The following CADM1 variants were observed in gnomAD, a reference collection of about 807,000 sequenced individuals.
CADM1 encodes cell adhesion molecule 1.
In CADM1, 15 loss-of-function variants were observed where a neutral mutation model predicts 53.1. The ratio of observed to expected loss-of-function variants is 0.28; its 90% CI spans 0.19 to 0.44. CADM1 has a LOEUF of 0.44. Among genes scored for constraint, CADM1 ranks in the 20% least tolerant of loss-of-function variants. The probability of loss-of-function intolerance (pLI) is 1.00; values close to 1 mark genes in which losing one functional copy is unlikely to be tolerated. For missense variants in CADM1, 434 were observed against 611.3 expected (o/e 0.71, Z 3.06); for synonymous variants, 281 against 243.0 (o/e 1.16, Z -1.45).
At chr11:115,496,000 T>C (rs1037932911) in intron 1 of CADM1, among the ~76,000 whole-genome samples, 4 of 152,218 alleles carry the variant, frequency 2.6e-5, no homozygotes, top group Non-Finnish European at 4.4e-5. Context: ...ACTTTTTGTC[T>C]GAAAGTCTTA....
At chr11:115,249,985 A>T (rs887048070) in intron 1 of CADM1, among the ~76,000 whole-genome samples, 1 of 152,116 alleles carries the variant, frequency 6.6e-6, no homozygotes, top group Non-Finnish European at 1.5e-5. Flanking sequence ...GCTCACTGCA[A>T]GCTCCGCCTC....
intron 1 of CADM1, among the ~76,000 whole-genome samples, chr11:115,358,206 T>C (rs1328306511): frequency 1.5e-5 from 2 of 132,488 alleles, no homozygotes; most frequent in African/African-American, 2.5e-5. Flanking sequence ...TGATCCTCCT[T>C]CTCTCACTCA....
intron 1 of CADM1, among the ~76,000 whole-genome samples, chr11:115,361,659 T>C (rs1946031855): frequency 6.6e-6 from 1 of 152,132 alleles, no homozygotes; most frequent in Non-Finnish European, 1.5e-5. Context: ...TGTCTAGGCA[T>C]ATGCACACCC....
chr11:115,346,905 C>T (rs940774980), intron 1 of CADM1, among the ~76,000 whole-genome samples: 1 of 152,000 alleles, frequency 6.6e-6, no homozygotes, highest in Non-Finnish European at 1.5e-5. Context: ...CTATGTATAG[C>T]CGTATTTAAC....
At chr11:115,198,586 A>C in intron 8 of CADM1, 148 bp from the exon 9 acceptor site, 1 of 678,192 alleles carries the variant, frequency 1.5e-6, no homozygotes, top group East Asian at 2.8e-5. Flanking sequence ...AATGAAAAGC[A>C]AAAAGCATTT....
At chr11:115,373,589 A>AG in intron 1 of CADM1, among the ~76,000 whole-genome samples, 1 of 141,724 alleles carries the variant, frequency 7.1e-6, no homozygotes, top group Admixed American at 7.1e-5. Context: ...GTCTCAAAAA[A>AG]AAAAAAAAAA....
chr11:115,210,202 A>G (rs1016998861), intron 7 of CADM1, among the ~76,000 whole-genome samples: 1 of 152,244 alleles, frequency 6.6e-6, no homozygotes, highest in African/African-American at 2.4e-5. Context: ...CAAAGAAGAG[A>G]GAATGTCACC....
intron 1 of CADM1, among the ~76,000 whole-genome samples, chr11:115,455,981 G>A (rs992013108): frequency 2.6e-5 from 4 of 152,154 alleles, no homozygotes; most frequent in Non-Finnish European, 5.9e-5. Context: ...TGGCATAGTG[G>A]CACAGTTCTA....
In CADM1 at chr11:115,346,180, C is replaced by T. The variant is rs186616395; in HGVS notation, c.125-105760G>A. The stretch of plus-strand genomic sequence containing the variant: ...TCTCAAATATCCACATGTGGTTCAG[C>T]ATTATCCCTGACAGCCTTTTAATCC... On this transcript the variant is annotated intron_variant, in intron 1 of 11. Coordinates refer to ENST00000331581, the MANE Select transcript of CADM1 (RefSeq NM_001301043.2). Among the ~76,000 whole-genome samples, 204 of 152,266 alleles carry T rather than the reference C, an allele frequency of 1.3e-3. 2 individuals are homozygous for T. The highest frequency in any genetic ancestry group is 4.7e-3 in the African/African-American group (195 of 41,568).
At chr11:115,187,254 A>G (rs1175185025) in intron 10 of CADM1, among the ~76,000 whole-genome samples, 1 of 152,146 alleles carries the variant, frequency 6.6e-6, no homozygotes, top group African/African-American at 2.4e-5. Flanking sequence ...GGGGGTTAGG[A>G]AAGAGTTCCC....
At chr11:115,441,602 A>G (rs1438763243) in intron 1 of CADM1, among the ~76,000 whole-genome samples, 5 of 152,218 alleles carry the variant, frequency 3.3e-5, no homozygotes, top group African/African-American at 4.8e-5. Flanking sequence ...GAATATGATC[A>G]AACTTTATAG....
chr11:115,382,105 A>G (rs898795648), intron 1 of CADM1, among the ~76,000 whole-genome samples: 1 of 152,168 alleles, frequency 6.6e-6, no homozygotes, highest in Non-Finnish European at 1.5e-5. Flanking sequence ...TCGGCCTCCC[A>G]AAGTGCTGGG....
intron 1 of CADM1, among the ~76,000 whole-genome samples, chr11:115,310,125 T>C (rs1291819973): frequency 2.0e-5 from 3 of 152,226 alleles, no homozygotes; most frequent in South Asian, 2.1e-4. Context: ...AAGAATCATA[T>C]ATGCACGATG....
intron 1 of CADM1, among the ~76,000 whole-genome samples, chr11:115,392,494 T>C (rs564059287): frequency 1.3e-5 from 2 of 152,192 alleles, no homozygotes; most frequent in South Asian, 4.1e-4. Context: ...CACATATACG[T>C]ACACATTAAA....
At position 115,176,398 on chromosome 11, in the gene CADM1, G is replaced by T; in HGVS notation, c.*76C>A. The T allele has an allele frequency of 1.2e-6, 2 of 1,600,100 alleles. No homozygotes were observed. Among genetic ancestry groups the T allele is most frequent in the South Asian group, 1.1e-5 (1 of 90,260 alleles). On this transcript the variant is annotated 3_prime_UTR_variant, in exon 12 of 12. Coordinates refer to ENST00000331581, the MANE Select transcript of CADM1 (RefSeq NM_001301043.2). ...TCATAAAAAAACACACGAATTTCTC[G>T]CAAGTTCCAATATCACTGTCTCTTT... is the stretch of plus-strand genomic sequence containing the variant.
intron 1 of CADM1, among the ~76,000 whole-genome samples, chr11:115,371,810 T>G (rs923157105): frequency 4.6e-4 from 2 of 4,344 alleles, no homozygotes; most frequent in African/African-American, 2.3e-3. Context: ...AGCTAATGGA[T>G]TTTTTTTTTA....
intron 1 of CADM1, among the ~76,000 whole-genome samples, chr11:115,449,974 A>T (rs936587678): frequency 1.1e-4 from 16 of 149,420 alleles, no homozygotes; most frequent in Admixed American, 4.7e-4. Context: ...AAACCTGGCC[A>T]TTTTTTTTTT....
intron 1 of CADM1, among the ~76,000 whole-genome samples, chr11:115,436,078 T>C (rs1308099177): frequency 6.6e-6 from 1 of 152,244 alleles, no homozygotes; most frequent in African/African-American, 2.4e-5. Flanking sequence ...GGGGCTTTAA[T>C]TGACAAAGAT....
At chr11:115,437,185 G>C (rs927679302) in intron 1 of CADM1, among the ~76,000 whole-genome samples, 2 of 152,114 alleles carry the variant, frequency 1.3e-5, no homozygotes, top group Non-Finnish European at 2.9e-5. Flanking sequence ...CAAAAGATAG[G>C]GTAATGGTAA....
Sources: allele counts gnomAD v4.1 joint callset (sites outside exome capture counted in the v4.1 genomes callset), GRCh38; gene constraint gnomAD v4.1.1; transcripts MANE v1.5; gene names NCBI Gene and HGNC (gene_info 2026-07-23, HGNC 2026-07-21).